Variants in DSE observed in about 807,000 individuals in gnomAD.
DSE encodes the protein dermatan sulfate epimerase.
In DSE, 36 loss-of-function variants were observed where a neutral mutation model predicts 84.4. The observed-to-expected ratio is 0.43, with a 90% CI of 0.33 to 0.56. The LOEUF (loss-of-function observed/expected upper bound fraction) is 0.56, where lower values mean the gene tolerates loss of function less well. Ranked by LOEUF, DSE falls within the 20% of genes least tolerant of loss-of-function variation. The pLI, the probability that DSE is intolerant of heterozygous loss-of-function variation, is 0.06. For missense variants in DSE, 862 were observed against 1,169.6 expected (o/e 0.74, Z 3.84); for synonymous variants, 410 against 430.1 (o/e 0.95, Z 0.58).
intron 2 of DSE, among the ~76,000 whole-genome samples, chr6:116,423,589 T>C (rs1028204988): frequency 2.0e-5 from 3 of 152,188 alleles, no homozygotes; most frequent in Admixed American, 2.0e-4. Flanking sequence ...TGTCTGTCTG[T>C]TTTTTTAAAA....
At chr6:116,427,102 C>T (rs1386367177) in intron 3 of DSE, among the ~76,000 whole-genome samples, 2 of 152,134 alleles carry the variant, frequency 1.3e-5, no homozygotes, top group Non-Finnish European at 2.9e-5. Context: ...GATAAATATT[C>T]ATTTTTTCCA....
At chr6:116,364,161 TTTTG>T (rs973978317) in intron 2 of DSE, among the ~76,000 whole-genome samples, 120 of 152,376 alleles carry the variant, frequency 7.9e-4, no homozygotes, top group African/African-American at 2.7e-3. Context: ...ATGCTGTGTT[TTTTG>T]TTTGTTTGTT....
rs1363674589 is a variant in DSE, at chr6:116,258,960, A to T, written c.-61A>T. 3.3e-6 allele frequency: 5 copies of T among 1,497,128 alleles called. No homozygotes were observed. In the East Asian group the frequency reaches 1.1e-4, roughly 34 times the overall value. The allele number at this position is 1,497,128 out of a possible 1,614,324, so 92.7% of individuals were successfully genotyped here. A position where few individuals can be genotyped will look rare whatever the true frequency, so the allele number is the denominator to read the frequency against. On this transcript the variant is annotated 5_prime_UTR_variant, in exon 2 of 4. Transcript: ENST00000430252. ...AGCATTTGGCGGCATACCACCCTGC[A>T]CTGTGAGGTAGGTACTTGGCATATT...
chr6:116,332,800 C>G (rs9488906), intron 2 of DSE, among the ~76,000 whole-genome samples: 1 of 151,900 alleles, frequency 6.6e-6, no homozygotes, highest in Non-Finnish European at 1.5e-5. Context: ...AAGTCTTGTG[C>G]CTGGTATAAA....
At chr6:116,309,982 G>A (rs1395943712) in intron 2 of DSE, among the ~76,000 whole-genome samples, 1 of 152,090 alleles carries the variant, frequency 6.6e-6, no homozygotes, top group Non-Finnish European at 1.5e-5. Flanking sequence ...AACCATAGCA[G>A]TCATGCACAT....
intron 2 of DSE, among the ~76,000 whole-genome samples, chr6:116,337,747 T>C (rs1279831969): frequency 1.3e-5 from 2 of 152,072 alleles, no homozygotes; most frequent in Non-Finnish European, 2.9e-5. Flanking sequence ...TTTAGAAAAA[T>C]TATGTTTTGA....
intron 1 of DSE, chr6:116,258,356 C>A: frequency 1.7e-6 from 1 of 596,096 alleles, no homozygotes; most frequent in Non-Finnish European, 3.0e-6. Context: ...CTCCCTTTTC[C>A]TTTCTTGAAA....
chr6:116,301,782 G>A (rs973710898), intron 2 of DSE, among the ~76,000 whole-genome samples: 30 of 151,984 alleles, frequency 2.0e-4, no homozygotes, highest in Admixed American at 1.3e-3. Flanking sequence ...CTCTCCCTCC[G>A]CTAGCTCCCC....
At chr6:116,302,454 A>G (rs888436452) in intron 2 of DSE, among the ~76,000 whole-genome samples, 1 of 152,088 alleles carries the variant, frequency 6.6e-6, no homozygotes, top group Admixed American at 6.5e-5. Flanking sequence ...GTGTCTGTTC[A>G]TATCCTTTGC....
chr6:116,310,253 T>C (rs1775608265), intron 2 of DSE, among the ~76,000 whole-genome samples: 1 of 152,156 alleles, frequency 6.6e-6, no homozygotes, highest in South Asian at 2.1e-4. Context: ...AGTCTCTACA[T>C]GTGGAAGGGT....
At chr6:116,302,998 T>C (rs1385274613) in intron 2 of DSE, among the ~76,000 whole-genome samples, 1 of 152,166 alleles carries the variant, frequency 6.6e-6, no homozygotes, top group East Asian at 1.9e-4. Context: ...TCCACTGGTC[T>C]ATATATATCT....
At chr6:116,319,412 C>T (rs1776171270) in intron 2 of DSE, among the ~76,000 whole-genome samples, 4 of 152,130 alleles carry the variant, frequency 2.6e-5, no homozygotes. Flanking sequence ...TTCAAGTTTA[C>T]CAATTATTGT....
At chr6:116,430,356 G>T (rs1174425874) in intron 3 of DSE, among the ~76,000 whole-genome samples, 1 of 152,114 alleles carries the variant, frequency 6.6e-6, no homozygotes, top group African/African-American at 2.4e-5. Flanking sequence ...TTCACAAAGA[G>T]ATAAACTTTT....
chr6:116,381,183 AAG>A (rs1407095197), intron 1 of DSE, among the ~76,000 whole-genome samples: 2 of 152,116 alleles, frequency 1.3e-5, no homozygotes, highest in Non-Finnish European at 2.9e-5. Context: ...GGCTTCATTA[AAG>A]AGTGTTGTGT....
At chr6:116,394,949 G>A (rs950095477) in intron 1 of DSE, among the ~76,000 whole-genome samples, 7 of 152,216 alleles carry the variant, frequency 4.6e-5, no homozygotes, top group African/African-American at 1.4e-4. Flanking sequence ...TGAACTGGGC[G>A]AAGTGCAACT....
At chr6:116,280,617 T>C (rs1415767658) in intron 2 of DSE, among the ~76,000 whole-genome samples, 1 of 152,216 alleles carries the variant, frequency 6.6e-6, no homozygotes, top group Non-Finnish European at 1.5e-5. Flanking sequence ...TATTTAGTTA[T>C]GTAAGATAGG....
At chr6:116,421,637 A>G (rs968179344) in intron 2 of DSE, among the ~76,000 whole-genome samples, 1 of 151,288 alleles carries the variant, frequency 6.6e-6, no homozygotes, top group African/African-American at 2.4e-5. Flanking sequence ...AGGCCCAGCT[A>G]ATTTTTAAAA....
At chr6:116,342,829 C>T (rs574295317) in intron 2 of DSE, among the ~76,000 whole-genome samples, 66 of 152,156 alleles carry the variant, frequency 4.3e-4, no homozygotes, top group Admixed American at 2.3e-3. Flanking sequence ...GGATGCAGCC[C>T]ACGGAGCAGG....
chr6:116,340,165 A>G (rs1777504773), intron 2 of DSE, among the ~76,000 whole-genome samples: 1 of 152,114 alleles, frequency 6.6e-6, no homozygotes, highest in Non-Finnish European at 1.5e-5. Flanking sequence ...CTGCAGATTA[A>G]TGTTTTTCGT....
Sources: gnomAD v4.1 joint callset for allele counts (sites outside exome capture counted in the v4.1 genomes callset) on GRCh38, gnomAD v4.1.1 for gene constraint, MANE v1.5 for transcripts, NCBI Gene and HGNC (gene_info 2026-07-23, HGNC 2026-07-21) for gene names.